Variants in HCN1 observed in about 807,000 individuals in gnomAD.
The protein encoded by HCN1 is hyperpolarization activated cyclic nucleotide gated potassium channel 1.
In HCN1, 13 loss-of-function variants were observed where a neutral mutation model predicts 78.9. The ratio of observed to expected loss-of-function variants is 0.16; its 90% CI spans 0.11 to 0.26. HCN1 has a LOEUF of 0.26. Ranked by LOEUF, HCN1 falls within the 10% of genes least tolerant of loss-of-function variation. The pLI is 1.00. For synonymous variants in HCN1, 552 were observed against 455.5 expected (o/e 1.21, Z -2.70); for missense variants, 810 against 1,154.3 (o/e 0.70, Z 4.32).
chr5:45,475,550 G>A (rs996492204), intron 2 of HCN1, among the ~76,000 whole-genome samples: 5 of 152,136 alleles, frequency 3.3e-5, no homozygotes. Context: ...CTATTGAATT[G>A]CCATGATTTA....
intron 4 of HCN1, among the ~76,000 whole-genome samples, chr5:45,379,179 T>TAA (rs1425325424): frequency 6.6e-6 from 1 of 152,134 alleles, no homozygotes; most frequent in African/African-American, 2.4e-5. Context: ...TAGTTCTAGA[T>TAA]GCTTGAGGAA....
intron 5 of HCN1, among the ~76,000 whole-genome samples, chr5:45,344,611 G>A (rs947145617): frequency 6.6e-6 from 1 of 152,140 alleles, no homozygotes; most frequent in Non-Finnish European, 1.5e-5. Flanking sequence ...AGAGGTAAAG[G>A]CCTCATGCAA....
intron 2 of HCN1, among the ~76,000 whole-genome samples, chr5:45,465,956 T>A (rs894920894): frequency 1.3e-5 from 2 of 152,164 alleles, no homozygotes; most frequent in Non-Finnish European, 2.9e-5. Flanking sequence ...TTTTATTTAG[T>A]TGGAGTCCAA....
chr5:45,469,716 G>T (rs1166934127), intron 2 of HCN1, among the ~76,000 whole-genome samples: 1 of 151,626 alleles, frequency 6.6e-6, no homozygotes, highest in Non-Finnish European at 1.5e-5. Context: ...AATTAAAAAG[G>T]CAGTGTTCTT....
chr5:45,343,906 G>T (rs1372107762), intron 5 of HCN1, among the ~76,000 whole-genome samples: 3 of 151,942 alleles, frequency 2.0e-5, no homozygotes, highest in Admixed American at 2.0e-4. Context: ...ACTGTGTTTT[G>T]TTAACAGCAT....
At chr5:45,630,416 A>G (rs1745250992) in intron 2 of HCN1, among the ~76,000 whole-genome samples, 1 of 152,204 alleles carries the variant, frequency 6.6e-6, no homozygotes, top group African/African-American at 2.4e-5. Flanking sequence ...TCATAGAGTC[A>G]CTATGGGGCC....
At chr5:45,334,648 C>T (rs752115554) in intron 5 of HCN1, among the ~76,000 whole-genome samples, 1 of 151,970 alleles carries the variant, frequency 6.6e-6, no homozygotes, top group Admixed American at 6.6e-5. Context: ...ATGTCTCACA[C>T]ACATTAAGCA....
intron 2 of HCN1, among the ~76,000 whole-genome samples, chr5:45,523,730 C>G (rs1267647875): frequency 4.6e-5 from 7 of 152,056 alleles, no homozygotes; most frequent in South Asian, 2.1e-4. Context: ...TTGTAAATTT[C>G]TTTGAGTTCA....
chr5:45,575,693 T>C (rs1743926997), intron 2 of HCN1: 1 of 152,114 alleles, frequency 6.6e-6, no homozygotes, highest in Non-Finnish European at 1.5e-5. Flanking sequence ...AGCCCACTCT[T>C]GAGACCTACT....
intron 2 of HCN1, among the ~76,000 whole-genome samples, chr5:45,617,699 A>C (rs561118112): frequency 1.3e-5 from 2 of 152,206 alleles, no homozygotes; most frequent in East Asian, 3.9e-4. Flanking sequence ...TGTTTTGTGA[A>C]GGTTACTTGA....
At chr5:45,270,559 T>C (rs1390549842) in intron 6 of HCN1, among the ~76,000 whole-genome samples, 1 of 152,172 alleles carries the variant, frequency 6.6e-6, no homozygotes, top group Non-Finnish European at 1.5e-5. Context: ...CTTTGTCTCG[T>C]CTCCTGGTTG....
At chr5:45,327,377 C>A (rs1423637693) in intron 5 of HCN1, among the ~76,000 whole-genome samples, 1 of 151,552 alleles carries the variant, frequency 6.6e-6, no homozygotes, top group Non-Finnish European at 1.5e-5. Flanking sequence ...TTGGTAAAAA[C>A]TTTTTTCAAA....
intron 3 of HCN1, among the ~76,000 whole-genome samples, chr5:45,438,627 AAAC>A (rs900070889): frequency 9.9e-5 from 15 of 151,596 alleles, no homozygotes; most frequent in South Asian, 2.1e-4. Flanking sequence ...AAAGAAAAAC[AAAC>A]AACAACAACA....
intron 2 of HCN1, among the ~76,000 whole-genome samples, chr5:45,622,740 G>A (rs1301927086): frequency 6.6e-6 from 1 of 152,170 alleles, no homozygotes; most frequent in African/African-American, 2.4e-5. Context: ...ACTGAAGTTA[G>A]ACTTTTCAGC....
intron 2 of HCN1, among the ~76,000 whole-genome samples, chr5:45,500,831 GGC>G (rs1382775123): frequency 1.3e-5 from 2 of 152,074 alleles, no homozygotes; most frequent in African/African-American, 4.8e-5. Flanking sequence ...ATTTTCTGGA[GGC>G]TAACTCACAT....
At chr5:45,478,871 C>T (rs1336153159) in intron 2 of HCN1, among the ~76,000 whole-genome samples, 2 of 152,132 alleles carry the variant, frequency 1.3e-5, no homozygotes, top group African/African-American at 4.8e-5. Flanking sequence ...AGCCTGTAAT[C>T]CCAACACTTT....
At position 45,435,189 on chromosome 5, in the gene HCN1, T is replaced by C. The variant is rs529757197; in HGVS notation, c.1011+26657A>G. Among the ~76,000 whole-genome samples the C allele has an allele frequency of 4.6e-5, 7 of 152,224 alleles. No homozygotes were observed. In the South Asian group the frequency reaches 1.4e-3, roughly 31 times the overall value. On this transcript the variant is annotated intron_variant, in intron 3 of 7. Transcript: ENST00000303230. ...TACTTATCATCAAATCACTAATTTA[T>C]ATATTTAAAAAGTAAATTTATTTGT...
chr5:45,375,783 T>G (rs1384619641), intron 4 of HCN1, among the ~76,000 whole-genome samples: 1 of 100,890 alleles, frequency 9.9e-6, no homozygotes, highest in Admixed American at 1.2e-4. Flanking sequence ...TTATATATAA[T>G]ATAATATTTT....
At chr5:45,646,456 C>T (rs954508076) in intron 1 of HCN1, among the ~76,000 whole-genome samples, 2 of 149,922 alleles carry the variant, frequency 1.3e-5, no homozygotes, top group Non-Finnish European at 3.0e-5. Flanking sequence ...CTGAAACCTC[C>T]GCCTCCCAAG....
Sources: gnomAD v4.1 joint callset for allele counts (sites outside exome capture counted in the v4.1 genomes callset) on GRCh38, gnomAD v4.1.1 for gene constraint, MANE v1.5 for transcripts, NCBI Gene and HGNC (gene_info 2026-07-23, HGNC 2026-07-21) for gene names.